Variants in BPNT2 observed in about 807,000 individuals in gnomAD.
BPNT2 encodes the protein 3'(2'), 5'-bisphosphate nucleotidase 2.
A neutral mutation model predicts 29.3 loss-of-function variants in BPNT2; 11 were observed. That is an observed-to-expected ratio of 0.38 (90% confidence interval 0.24 to 0.62). The LOEUF (loss-of-function observed/expected upper bound fraction) is 0.62. Among genes scored for constraint, BPNT2 ranks in the 20% least tolerant of loss-of-function variants. The pLI, the probability that BPNT2 is intolerant of heterozygous loss-of-function variation, is 0.62. For missense variants in BPNT2, 459 were observed against 473.4 expected, an observed-to-expected ratio of 0.97 and a Z score of 0.28; for synonymous variants, 195 against 187.7, an observed-to-expected ratio of 1.04 and a Z score of -0.32.
At chr8:56,967,157 G>A (rs1241303726) in intron 3 of BPNT2, 2 of 456,202 alleles carry the variant, frequency 4.4e-6, no homozygotes, top group South Asian at 1.5e-5. Context: ...ACTCACTACA[G>A]GGCAAGATAT....
chr8:56,979,122 C>T (rs1806197603), intron 2 of BPNT2, among the ~76,000 whole-genome samples: 1 of 152,164 alleles, frequency 6.6e-6, no homozygotes, highest in Non-Finnish European at 1.5e-5. Flanking sequence ...TCTGGTTCTA[C>T]AGGCATTACC....
chr8:56,961,427 G>A lies in BPNT2; in HGVS notation c.*2366C>T, dbSNP rs889451760. On this transcript the variant is annotated 3_prime_UTR_variant, in exon 5 of 5. Coordinates refer to ENST00000262644, the MANE Select transcript of BPNT2 (RefSeq NM_017813.5). ...TTTTAAAAATGAACTTTTTATAAAA[G>A]TACTTAAAAAAAATCATTAGTAACT... 3 of 151,616 alleles carry A rather than the reference G, an allele frequency of 2.0e-5. No individual in the cohort carries two copies. Among genetic ancestry groups the A allele is most frequent in the African/African-American group, 7.3e-5 (3 of 41,200 alleles). The allele number at this position is 151,616 out of a possible 1,614,324, so 9.4% of individuals were successfully genotyped here. A position where few individuals can be genotyped will look rare whatever the true frequency, so the allele number is the denominator to read the frequency against.
In BPNT2 at chr8:56,993,276, C is replaced by A; in HGVS notation, c.310G>T (p.Asp104Tyr). 1.2e-6 allele frequency: 2 copies of A among 1,611,342 alleles called. No homozygotes were observed. Among genetic ancestry groups the A allele is most frequent in the Non-Finnish European group, 1.7e-6 (2 of 1,179,942 alleles). ...SKGKTREGAEDKMTSGDVLSN... is the reference protein window; with the variant it reads ...SKGKTREGAEYKMTSGDVLSN... ...AGCACGTCGCCGCTGGTCATCTTGT[C>A]CTCGGCTCCCTCGCGCGTCTTCCCC... Residue 104 changes from aspartate to tyrosine, a missense_variant, in exon 1 of 5, where the codon GAC (aspartate) becomes TAC (tyrosine). By Grantham distance (160) the Asp-to-Tyr change is radical. Transcript: ENST00000262644.
chr8:56,970,937 T>C (rs909559525), intron 3 of BPNT2, among the ~76,000 whole-genome samples: 3 of 152,132 alleles, frequency 2.0e-5, no homozygotes, highest in Non-Finnish European at 4.4e-5. Context: ...ATCCTTTTCA[T>C]AAATATTCCA....
chr8:56,976,958 T>C (rs1004914027), intron 3 of BPNT2, among the ~76,000 whole-genome samples: 3 of 152,132 alleles, frequency 2.0e-5, no homozygotes, highest in African/African-American at 7.2e-5. Flanking sequence ...AAATGGAAAA[T>C]TCCATACTGG....
At chr8:56,991,613 C>G (rs1231153360) in intron 1 of BPNT2, among the ~76,000 whole-genome samples, 1 of 152,158 alleles carries the variant, frequency 6.6e-6, no homozygotes, top group African/African-American at 2.4e-5. Flanking sequence ...TGGAGTGTCA[C>G]GAGCCTCAGA....
At chr8:56,979,913 G>T in intron 2 of BPNT2, 122 bp downstream of exon 2, 1 of 894,672 alleles carries the variant, frequency 1.1e-6, no homozygotes, top group Non-Finnish European at 1.8e-6. Context: ...TGCTACTACT[G>T]TTAAAAATGC....
At position 56,959,257 on chromosome 8, in the gene BPNT2, C is replaced by T. The variant is rs1032742408; in HGVS notation, c.*4536G>A. Reference sequence around the variant, plus strand: ...AAACTACTTACAAATCTCATTTTCCCACAAAATTAATTCAACATCCAACCT... The same window carrying T: ...AAACTACTTACAAATCTCATTTTCCTACAAAATTAATTCAACATCCAACCT... On this transcript the variant is annotated 3_prime_UTR_variant, in exon 5 of 5. Transcript: ENST00000262644. The T allele has an allele frequency of 6.6e-6, 1 of 152,110 alleles. No individual in the cohort carries two copies. Among genetic ancestry groups the T allele is most frequent in the Non-Finnish European group, 1.5e-5 (1 of 68,026 alleles). The allele number at this position is 152,110 out of a possible 1,614,324, so 9.4% of individuals were successfully genotyped here. A position where few individuals can be genotyped will look rare whatever the true frequency, so the allele number is the denominator to read the frequency against.
In BPNT2 at chr8:56,962,601, T is replaced by G. The variant is rs1805856015; in HGVS notation, c.*1192A>C. ...TAACACAATGAATATGTCACAACTT[T>G]TTTTTTCTAACCAGACTAGAAAAAA... On this transcript the variant is annotated 3_prime_UTR_variant, in exon 5 of 5. Transcript: ENST00000262644. 6.6e-6 allele frequency: 1 copy of G among 152,158 alleles called. No homozygotes were observed. Among genetic ancestry groups the G allele is most frequent in the African/African-American group, 2.4e-5 (1 of 41,442 alleles). 9.4% of individuals were successfully genotyped at this position (152,158 alleles called of 1,614,324 possible). A position where few individuals can be genotyped will look rare whatever the true frequency, so the allele number is the denominator to read the frequency against.
At chr8:56,991,871 T>C (rs1806421865) in intron 1 of BPNT2, among the ~76,000 whole-genome samples, 2 of 151,972 alleles carry the variant, frequency 1.3e-5, no homozygotes, top group African/African-American at 2.4e-5. Context: ...ACCTTACATC[T>C]AGATGCAAAA....
chr8:56,985,028 C>G (rs1218383845), intron 1 of BPNT2, among the ~76,000 whole-genome samples: 1 of 151,880 alleles, frequency 6.6e-6, no homozygotes, highest in African/African-American at 2.4e-5. Context: ...AAGGTCTCGG[C>G]TCAAATGAGA....
rs193125151 is a variant in BPNT2, at chr8:56,958,446, G to A, written c.*5347C>T. On this transcript the variant is annotated 3_prime_UTR_variant, in exon 5 of 5. Transcript: ENST00000262644. ...CATTTAAATTTGGTAGTATGGGTGA[G>A]GAAGGTCATAACACGCTAAGTAAAC... 1 of 152,266 alleles carries A rather than the reference G, an allele frequency of 6.6e-6. No individual in the cohort carries two copies. The highest frequency in any genetic ancestry group is 6.5e-5 in the Admixed American group (1 of 15,292). The allele number at this position is 152,266 out of a possible 1,614,324, so 9.4% of individuals were successfully genotyped here. A position where few individuals can be genotyped will look rare whatever the true frequency, so the allele number is the denominator to read the frequency against.
rs994444745 is a variant in BPNT2 at position 56,976,192 on chromosome 8, T to C, written c.646+1858A>G. ...ACCCTTTCCACTGGTGAAATACAGC[T>C]GAAGTGGTGAGCCATCCTCAGTTAC... On this transcript the variant is annotated intron_variant, in intron 3 of 4. Coordinates refer to ENST00000262644, the MANE Select transcript of BPNT2 (RefSeq NM_017813.5). 8.9e-4 allele frequency among the ~76,000 whole-genome samples: 135 copies of C among 152,230 alleles called. 1 individual carries two copies. Among genetic ancestry groups the C allele is most frequent in the African/African-American group, 3.2e-3 (134 of 41,542 alleles).
At chr8:56,988,070 C>T (rs1806354372) in intron 1 of BPNT2, among the ~76,000 whole-genome samples, 1 of 152,158 alleles carries the variant, frequency 6.6e-6, no homozygotes, top group African/African-American at 2.4e-5. Context: ...GTACCTCTAC[C>T]TGTCCTATTC....
At chr8:56,978,415 G>A (rs898408634) in intron 2 of BPNT2, among the ~76,000 whole-genome samples, 2 of 151,938 alleles carry the variant, frequency 1.3e-5, no homozygotes, top group Non-Finnish European at 2.9e-5. Context: ...GTGAGGTTGT[G>A]GAAAAAAAGG....
At position 56,980,203 on chromosome 8, in the gene BPNT2, T is replaced by G. The variant is rs372205204; in HGVS notation, c.388-6A>C. ...ACGTGTTCCTCAGTATTAATCTGCA[T>G]TAAAAACAGGTGACAGTTAAAAAAA... is the stretch of plus-strand genomic sequence containing the variant. On this transcript the variant is annotated splice_polypyrimidine_tract_variant and splice_region_variant and intron_variant, in intron 1 of 4. Transcript: ENST00000262644. 34 of 1,612,250 alleles carry G rather than the reference T, an allele frequency of 2.1e-5. No homozygotes were observed. The highest frequency in any genetic ancestry group is 2.6e-5 in the Non-Finnish European group (31 of 1,178,588).
At chr8:56,975,682 GTC>G in intron 3 of BPNT2, among the ~76,000 whole-genome samples, 1 of 152,096 alleles carries the variant, frequency 6.6e-6, no homozygotes, top group South Asian at 2.1e-4. Flanking sequence ...AAAAGATAAT[GTC>G]TTTCCTTGTC....
intron 1 of BPNT2, among the ~76,000 whole-genome samples, chr8:56,986,420 G>A (rs1181337911): frequency 2.0e-5 from 3 of 152,168 alleles, no homozygotes; most frequent in Non-Finnish European, 2.9e-5. Flanking sequence ...GGAGTGTTCC[G>A]TAATTGTGAG....
intron 1 of BPNT2, among the ~76,000 whole-genome samples, chr8:56,987,731 C>CT (rs35492743): frequency 0.15 from 21,090 of 140,052 alleles, 1,840 homozygotes; most frequent in African/African-American, 0.22. Flanking sequence ...TAACTATTTT[C>CT]TTTTTTTTTT....
Sources: allele counts gnomAD v4.1 joint callset (sites outside exome capture counted in the v4.1 genomes callset), GRCh38; gene constraint gnomAD v4.1.1; transcripts MANE v1.5; gene names NCBI Gene and HGNC (gene_info 2026-07-23, HGNC 2026-07-21).